The following FRMD4A variants were observed in gnomAD, a reference collection of about 807,000 sequenced individuals.
The protein encoded by FRMD4A is FERM domain containing 4A.
A neutral mutation model predicts 129.1 loss-of-function variants in FRMD4A; 29 were observed. The ratio of observed to expected loss-of-function variants is 0.22; its 90% CI spans 0.17 to 0.31. The LOEUF is 0.31. FRMD4A is among the 10% of genes least tolerant of loss of function. The probability of loss-of-function intolerance (pLI) is 1.00; values close to 1 mark genes in which losing one functional copy is unlikely to be tolerated. For missense variants in FRMD4A, 1,272 were observed against 1,375.8 expected (o/e 0.92, Z 1.19); for synonymous variants, 634 against 571.6 (o/e 1.11, Z -1.56).
chr10:14,204,440 T>G (rs1363202089), intron 2 of FRMD4A, among the ~76,000 whole-genome samples: 1 of 151,996 alleles, frequency 6.6e-6, no homozygotes, highest in Non-Finnish European at 1.5e-5. Flanking sequence ...AAAAAATTAC[T>G]ATATCATCCA....
intron 3 of FRMD4A, among the ~76,000 whole-genome samples, chr10:13,834,837 A>G (rs1174051495): frequency 6.6e-6 from 1 of 152,188 alleles, no homozygotes; most frequent in Non-Finnish European, 1.5e-5. Flanking sequence ...TTAAGCTGAC[A>G]GGGTTAACAT....
rs112005365 is a variant in FRMD4A at position 13,835,878 on chromosome 10, C to G, written c.111+22969G>C. ...CCAGTCTGGAAAAATTGTCTTCCTT[C>G]AAACAGGTCCCTGGTGCCAAAAAGG... On this transcript the variant is annotated intron_variant, in intron 3 of 24. Transcript: ENST00000357447. Among the ~76,000 whole-genome samples the G allele has an allele frequency of 2.0e-3, 310 of 152,316 alleles. 2 individuals are homozygous for G. Among genetic ancestry groups the G allele is most frequent in the Middle Eastern group, 6.8e-3 (2 of 294 alleles).
intron 2 of FRMD4A, among the ~76,000 whole-genome samples, chr10:13,966,498 G>T (rs2095486061): frequency 6.6e-6 from 1 of 152,162 alleles, no homozygotes. Flanking sequence ...TATGTAAAAG[G>T]CACTTGGAAA....
chr10:14,206,262 A>G (rs1842778186), intron 2 of FRMD4A, among the ~76,000 whole-genome samples: 2 of 152,224 alleles, frequency 1.3e-5, no homozygotes, highest in East Asian at 1.9e-4. Context: ...TTTCCATCCC[A>G]GCAACAAACT....
intron 6 of FRMD4A, among the ~76,000 whole-genome samples, chr10:13,768,224 G>A (rs2092350201): frequency 6.6e-6 from 1 of 152,122 alleles, no homozygotes; most frequent in African/African-American, 2.4e-5. Flanking sequence ...GCAACACCAT[G>A]CCTAACAATA....
At position 14,269,779 on chromosome 10, in the gene FRMD4A, C is replaced by A. The variant is rs561984889; in HGVS notation, c.45+60279G>T. On this transcript the variant is annotated intron_variant, in intron 2 of 24. Transcript: ENST00000357447. ...GACTGAATTAAGTGATAATAATTAA[C>A]GGATGGTAATTAAGGGAATTAATTA... 2.0e-5 allele frequency among the ~76,000 whole-genome samples: 3 copies of A among 152,212 alleles called. No homozygotes were observed. The East Asian group carries it at 5.8e-4, about 29-fold the overall frequency.
At chr10:13,948,945 C>T (rs1251096281) in intron 2 of FRMD4A, among the ~76,000 whole-genome samples, 2 of 151,926 alleles carry the variant, frequency 1.3e-5, no homozygotes, top group Non-Finnish European at 1.5e-5. Flanking sequence ...CCACTGCGCC[C>T]AGCCGAGAGG....
chr10:13,963,670 G>C (rs1026804613), intron 2 of FRMD4A, among the ~76,000 whole-genome samples: 3 of 152,170 alleles, frequency 2.0e-5, no homozygotes, highest in Non-Finnish European at 4.4e-5. Context: ...TAGAAGTTCT[G>C]TTTCAAAAGC....
chr10:14,129,442 T>C (rs1353390083), intron 2 of FRMD4A, among the ~76,000 whole-genome samples: 3 of 139,084 alleles, frequency 2.2e-5, no homozygotes, highest in African/African-American at 7.9e-5. Flanking sequence ...CTTAGAAACA[T>C]TGATTTAGAA....
intron 2 of FRMD4A, among the ~76,000 whole-genome samples, chr10:13,992,242 G>T (rs1452177104): frequency 6.6e-6 from 1 of 152,220 alleles, no homozygotes; most frequent in Admixed American, 6.5e-5. Context: ...CTATGCCAGT[G>T]GTTCAAGGGG....
chr10:13,884,229 CA>C (rs1427486125), intron 2 of FRMD4A, among the ~76,000 whole-genome samples: 7 of 151,128 alleles, frequency 4.6e-5, no homozygotes, highest in African/African-American at 1.7e-4. Context: ...CACACACACA[CA>C]CACACACACA....
At chr10:14,309,918 C>A (rs543782507) in intron 2 of FRMD4A, among the ~76,000 whole-genome samples, 1 of 148,840 alleles carries the variant, frequency 6.7e-6, no homozygotes, top group Admixed American at 6.7e-5. Flanking sequence ...TGGCCTGAGT[C>A]CCCCACCGTC....
chr10:14,158,878 C>G (rs1840738744), intron 2 of FRMD4A, among the ~76,000 whole-genome samples: 1 of 147,048 alleles, frequency 6.8e-6, no homozygotes, highest in Admixed American at 6.7e-5. Context: ...GAGGAGGTAG[C>G]CTTCTATTCC....
At chr10:14,138,766 A>AT (rs1264563240) in intron 2 of FRMD4A, among the ~76,000 whole-genome samples, 2 of 144,694 alleles carry the variant, frequency 1.4e-5, no homozygotes, top group Non-Finnish European at 3.2e-5. Flanking sequence ...TAAAAAAAAA[A>AT]GAAAAAAAGA....
chr10:13,772,561 G>A (rs898818909), intron 6 of FRMD4A, among the ~76,000 whole-genome samples: 11 of 152,156 alleles, frequency 7.2e-5, no homozygotes, highest in Non-Finnish European at 1.3e-4. Context: ...TCAGCAGTTC[G>A]CAGAGGCTGC....
intron 2 of FRMD4A, among the ~76,000 whole-genome samples, chr10:13,986,647 CAAT>C (rs2095582460): frequency 8.2e-6 from 1 of 122,520 alleles, no homozygotes; most frequent in African/African-American, 3.0e-5. Flanking sequence ...TAAAGTATAA[CAAT>C]AATAATAAAA....
At chr10:14,123,431 G>C (rs955228075) in intron 2 of FRMD4A, among the ~76,000 whole-genome samples, 1 of 152,192 alleles carries the variant, frequency 6.6e-6, no homozygotes, top group African/African-American at 2.4e-5. Flanking sequence ...GCAAGAGATA[G>C]CTTCATGAAA....
intron 12 of FRMD4A, among the ~76,000 whole-genome samples, chr10:13,730,702 TACA>T (rs948524417): frequency 1.3e-5 from 2 of 151,332 alleles, no homozygotes; most frequent in Non-Finnish European, 2.9e-5. Context: ...TAAAATAGGG[TACA>T]ACAATTGCTG....
At chr10:14,020,295 C>T (rs1832682750) in intron 2 of FRMD4A, among the ~76,000 whole-genome samples, 1 of 152,196 alleles carries the variant, frequency 6.6e-6, no homozygotes, top group South Asian at 2.1e-4. Context: ...TCTGATCTGT[C>T]CCTTTTATCT....
Sources: allele counts gnomAD v4.1 joint callset (sites outside exome capture counted in the v4.1 genomes callset), GRCh38; gene constraint gnomAD v4.1.1; transcripts MANE v1.5; gene names NCBI Gene and HGNC (gene_info 2026-07-23, HGNC 2026-07-21).